The following TUB variants were observed in gnomAD, a reference collection of about 807,000 sequenced individuals.
TUB encodes TUB bipartite transcription factor.
Under a neutral mutation model 59.7 loss-of-function variants are expected in TUB, and 33 were observed. That is an observed-to-expected ratio of 0.55 (90% CI 0.42 to 0.74). The LOEUF is 0.74. Among genes scored for constraint, TUB ranks in the 30% least tolerant of loss-of-function variants. The pLI, the probability that TUB is intolerant of heterozygous loss-of-function variation, is 0.00. For synonymous variants in TUB, 293 were observed against 256.4 expected (o/e 1.14, Z -1.36); for missense variants, 659 against 672.0 (o/e 0.98, Z 0.21).
intron 1 of TUB, among the ~76,000 whole-genome samples, chr11:8,021,304 A>G (rs939748997): frequency 3.3e-5 from 5 of 152,104 alleles, no homozygotes; most frequent in African/African-American, 9.7e-5. Context: ...TACTACAAAT[A>G]CAAAAAACAA....
chr11:8,084,327 A>G (rs1261563108), intron 1 of TUB, among the ~76,000 whole-genome samples: 2 of 152,224 alleles, frequency 1.3e-5, no homozygotes, highest in Admixed American at 6.5e-5. Context: ...TCTGAGTTCA[A>G]AGGGAGCCAT....
At chr11:8,025,811 C>G (rs1942493095) in intron 1 of TUB, among the ~76,000 whole-genome samples, 1 of 152,198 alleles carries the variant, frequency 6.6e-6, no homozygotes, top group African/African-American at 2.4e-5. Context: ...TTTTGTTTCT[C>G]TTAGGCAAAT....
chr11:8,056,113 A>G (rs528332759), intron 2 of TUB, among the ~76,000 whole-genome samples: 2 of 152,274 alleles, frequency 1.3e-5, no homozygotes, highest in Admixed American at 6.5e-5. Context: ...GTGTTTAGCC[A>G]ACAGTTCTGT....
At chr11:8,086,791 G>C (rs1943676831) in intron 1 of TUB, among the ~76,000 whole-genome samples, 1 of 152,156 alleles carries the variant, frequency 6.6e-6, no homozygotes, top group African/African-American at 2.4e-5. Flanking sequence ...GCACATGCCC[G>C]CTGGTGGGTG....
intron 2 of TUB, among the ~76,000 whole-genome samples, chr11:8,074,434 T>C (rs1943412601): frequency 6.6e-6 from 1 of 152,144 alleles, no homozygotes; most frequent in African/African-American, 2.4e-5. Context: ...TCCATTACTT[T>C]GTCATTAAAA....
intron 2 of TUB, among the ~76,000 whole-genome samples, chr11:8,066,057 C>T (rs1301889353): frequency 6.6e-6 from 1 of 152,136 alleles, no homozygotes; most frequent in Admixed American, 6.5e-5. Context: ...AGTGCTTGGG[C>T]GGTGGCTAAT....
upstream of TUB, among the ~76,000 whole-genome samples, chr11:8,080,159 A>G (rs1021652641): frequency 6.6e-6 from 1 of 152,118 alleles, no homozygotes; most frequent in African/African-American, 2.4e-5. Flanking sequence ...CTGACCGCCT[A>G]TTTATCATCA....
Position 8,039,694 on chromosome 11 carries a change from T to C in TUB, c.203+2T>C, listed in dbSNP as rs2133730214. The stretch of plus-strand genomic sequence containing the variant: ...GAAGGAAGGAAGGGAGATCGCTCGG[T>C]GAGCTGGAGGGGAGGAGGGCGTGCC... On this transcript the variant is annotated splice_donor_variant, in intron 2 of 12. Transcript: ENST00000305253. LOFTEE classifies it high-confidence loss of function. 12 of 1,531,470 alleles carry C rather than the reference T, an allele frequency of 7.8e-6. No individual in the cohort carries two copies. Among genetic ancestry groups the C allele is most frequent in the African/African-American group, 1.4e-5 (1 of 72,472 alleles). The allele number at this position is 1,531,470 out of a possible 1,614,324, so 94.9% of individuals were successfully genotyped here.
Position 8,098,797 on chromosome 11 carries a change from T to C in TUB, c.1038T>C (p.Asn346=). The change falls in exon 9 of 12, where the codon AAT becomes AAC. Residue 346 remains asparagine (N), a synonymous_variant. Coordinates refer to ENST00000299506, the MANE Select transcript of TUB (RefSeq NM_177972.3). ...GCACCAAGTTCACTGTTTATGACAA[T>C]GGAGTCAACCCTCAGAAGGCCTCAT... The part of the protein sequence containing the change: ...LMGTKFTVYD[N]GVNPQKASSS... 6.2e-7 allele frequency: 1 copy of C among 1,614,166 alleles called. No homozygotes were observed. Among genetic ancestry groups the C allele is most frequent in the Non-Finnish European group, 8.5e-7 (1 of 1,180,034 alleles).
At chr11:8,044,919 G>C (rs1528131) in intron 2 of TUB, among the ~76,000 whole-genome samples, 1 of 152,158 alleles carries the variant, frequency 6.6e-6, no homozygotes, top group African/African-American at 2.4e-5. Flanking sequence ...ATGCAATGGC[G>C]TGGAGCTTCC....
chr11:8,033,768 A>C (rs1182015626), upstream of TUB, among the ~76,000 whole-genome samples: 2 of 152,220 alleles, frequency 1.3e-5, no homozygotes, highest in African/African-American at 4.8e-5. Context: ...TGTCTGGTGA[A>C]TGCATTTTTA....
rs1246109598 is a variant in TUB at position 8,102,287 on chromosome 11, CATT to C, written c.*669_*671del. 1.3e-5 allele frequency: 2 copies of C among 152,088 alleles called. No individual in the cohort carries two copies. Among genetic ancestry groups the C allele is most frequent in the African/African-American group, 4.8e-5 (2 of 41,348 alleles). The allele number at this position is 152,088 out of a possible 1,614,324, so 9.4% of individuals were successfully genotyped here. On this transcript the variant is annotated 3_prime_UTR_variant, in exon 12 of 12. Coordinates refer to ENST00000299506, the MANE Select transcript of TUB (RefSeq NM_177972.3). ...TCAGCTGGTGGCTAGGTTTCTAGCG[CATT>C]TGATTTCTCCAGGTTTGCTGTGTCT...
chr11:8,042,483 A>T (rs917888483), intron 2 of TUB, among the ~76,000 whole-genome samples: 2 of 152,186 alleles, frequency 1.3e-5, no homozygotes, highest in Admixed American at 1.3e-4. Context: ...CTCCTTGGGT[A>T]TATGCCTAGG....
chr11:8,056,986 T>C (rs1206719581), intron 2 of TUB, among the ~76,000 whole-genome samples: 1 of 152,096 alleles, frequency 6.6e-6, no homozygotes, highest in African/African-American at 2.4e-5. Context: ...TTGAGGAAAC[T>C]GAGGCCCACA....
In TUB at chr11:8,101,907, C is replaced by G. The variant is rs547625885; in HGVS notation, c.*288C>G. On this transcript the variant is annotated 3_prime_UTR_variant, in exon 12 of 12. Coordinates refer to ENST00000299506, the MANE Select transcript of TUB (RefSeq NM_177972.3). Reference sequence around the variant, plus strand: ...CCTTGGGGTAGTAGTGTGTTGTAGTCGTACTTACCAAGCTGAGCAACCTCT... The same window carrying G: ...CCTTGGGGTAGTAGTGTGTTGTAGTGGTACTTACCAAGCTGAGCAACCTCT... 1 of 402,036 alleles carries G rather than the reference C, an allele frequency of 2.5e-6. No homozygotes were observed. The highest frequency in any genetic ancestry group is 4.5e-6 in the Non-Finnish European group (1 of 223,634). The allele number at this position is 402,036 out of a possible 1,614,324, so 24.9% of individuals were successfully genotyped here.
Position 8,100,545 on chromosome 11 carries a change from G to GT in TUB, c.1160dup (p.Ile388AspfsTer10). ...CTTCAAGGGGCCTCGGAAGATGAGC[G>GT]TGATTGTCCCAGGCATGAACATGGT... On this transcript the variant is annotated frameshift_variant, in exon 10 of 12. Transcript: ENST00000299506. LOFTEE classifies it high-confidence loss of function. The GT allele has an allele frequency of 6.2e-7, 1 of 1,614,134 alleles. No individual in the cohort carries two copies. The highest frequency in any genetic ancestry group is 8.5e-7 in the Non-Finnish European group (1 of 1,180,016).
At chr11:8,098,384 AGAG>A (rs1294177866) in intron 8 of TUB, among the ~76,000 whole-genome samples, 2 of 152,310 alleles carry the variant, frequency 1.3e-5, no homozygotes, top group African/African-American at 2.4e-5. Flanking sequence ...TGGCTGCGAC[AGAG>A]GAGATCTCAT....
At chr11:8,078,140 G>A (rs1487543685), upstream of TUB, among the ~76,000 whole-genome samples, 1 of 152,052 alleles carries the variant, frequency 6.6e-6, no homozygotes, top group African/African-American at 2.4e-5. Flanking sequence ...GGGAGAGGGG[G>A]TGGCCCTGGG....
At chr11:8,068,547 C>G (rs564434602) in intron 2 of TUB, 1 of 152,652 alleles carries the variant, frequency 6.6e-6, no homozygotes, top group Admixed American at 6.5e-5. Context: ...TCATTCCCCA[C>G]GTGTTACAGC....
Sources: gnomAD v4.1 joint callset for allele counts (sites outside exome capture counted in the v4.1 genomes callset) on GRCh38, gnomAD v4.1.1 for gene constraint, MANE v1.5 for transcripts, NCBI Gene and HGNC (gene_info 2026-07-23, HGNC 2026-07-21) for gene names.